The following NPAS2 variants were observed in gnomAD, a reference collection of about 807,000 sequenced individuals.
The protein encoded by NPAS2 is neuronal PAS domain-containing protein 2.
A neutral mutation model predicts 107.5 loss-of-function variants in NPAS2; 23 were observed. That is an observed-to-expected ratio of 0.21 (90% confidence interval 0.15 to 0.30). The LOEUF is 0.30. NPAS2 is among the 10% of genes least tolerant of loss of function. The pLI, the probability that NPAS2 is intolerant of heterozygous loss-of-function variation, is 1.00. For missense variants in NPAS2, 756 were observed against 1,043.3 expected (o/e 0.72, Z 3.79); for synonymous variants, 403 against 417.5 (o/e 0.97, Z 0.42).
At chr2:100,841,844 A>G (rs1166716893) in intron 1 of NPAS2, among the ~76,000 whole-genome samples, 4 of 152,210 alleles carry the variant, frequency 2.6e-5, no homozygotes, top group African/African-American at 9.7e-5. Flanking sequence ...ATATGCACAT[A>G]CATGCACAGC....
At chr2:100,903,486 TACGTAGGTG>T (rs1250873177) in intron 1 of NPAS2, among the ~76,000 whole-genome samples, 1 of 152,252 alleles carries the variant, frequency 6.6e-6, no homozygotes, top group African/African-American at 2.4e-5. Flanking sequence ...CATGTTTGTG[TACGTAGGTG>T]ACCAAAATCA....
intron 16 of NPAS2, chr2:100,983,639 T>C (rs892840869): frequency 1.3e-5 from 2 of 152,420 alleles, no homozygotes; most frequent in Non-Finnish European, 2.9e-5. Flanking sequence ...GCCTGGGCCA[T>C]GCCAGAGCCC....
At chr2:100,887,365 T>C (rs955211733) in intron 1 of NPAS2, among the ~76,000 whole-genome samples, 7 of 152,162 alleles carry the variant, frequency 4.6e-5, no homozygotes, top group African/African-American at 7.2e-5. Context: ...CTCCGTGGCA[T>C]GGGGCCTTGT....
rs371101625 is a variant in NPAS2 at position 100,968,460 on chromosome 2, C to A, written c.1055+32C>A. 2.5e-6 allele frequency: 4 copies of A among 1,603,140 alleles called. No homozygotes were observed. The highest frequency in any genetic ancestry group is 3.4e-6 in the Non-Finnish European group (4 of 1,172,560). ...CGCACGGGCAGGGGTGCGGCTGCGT[C>A]CTTGTCGCACCTGGGGGAGGGGTGC... On this transcript the variant is annotated intron_variant, in intron 11 of 20. Coordinates refer to ENST00000335681, the MANE Select transcript of NPAS2 (RefSeq NM_002518.4). This position sits in a 1 kb window ranked among gnomAD's most constrained non-coding sequence, Gnocchi z 5.3.
chr2:100,917,842 A>AG (rs1411454807), intron 2 of NPAS2, among the ~76,000 whole-genome samples: 1 of 152,194 alleles, frequency 6.6e-6, no homozygotes, highest in Non-Finnish European at 1.5e-5. Context: ...GACCCAGATG[A>AG]TTTCACTGGT....
intron 1 of NPAS2, among the ~76,000 whole-genome samples, chr2:100,881,837 A>G (rs1680367090): frequency 2.0e-5 from 3 of 152,334 alleles, no homozygotes; most frequent in Non-Finnish European, 4.4e-5. Flanking sequence ...TCCACATGCC[A>G]CGGACAGTGC....
chr2:100,910,823 C>G (rs1167566210), intron 2 of NPAS2, among the ~76,000 whole-genome samples: 2 of 152,158 alleles, frequency 1.3e-5, no homozygotes, highest in Admixed American at 1.3e-4. Flanking sequence ...CCACCATGCC[C>G]AGCCTAATGT....
chr2:100,869,990 T>C (rs950674597), intron 1 of NPAS2, among the ~76,000 whole-genome samples: 9 of 149,756 alleles, frequency 6.0e-5, no homozygotes, highest in South Asian at 2.1e-4. Context: ...CTGCAAGCTC[T>C]GCCTCCCGGG....
chr2:100,970,987 C>T lies in NPAS2; in HGVS notation c.1056-3C>T, dbSNP rs1676511238. 1 of 1,613,736 alleles carries T rather than the reference C, an allele frequency of 6.2e-7. No individual in the cohort carries two copies. Among genetic ancestry groups the T allele is most frequent in the African/African-American group, 1.3e-5 (1 of 74,878 alleles). The stretch of plus-strand genomic sequence containing the variant: ...CACTGTGGTCTCTTAATTTCCTGTA[C>T]AGTTACGCAGATGTCCGGGTGGAAA... On this transcript the variant is annotated splice_region_variant and splice_polypyrimidine_tract_variant and intron_variant, in intron 11 of 20. Transcript: ENST00000335681.
chr2:100,993,764 C>G (rs995075695), intron 20 of NPAS2: 8 of 403,880 alleles, frequency 2.0e-5, no homozygotes, highest in African/African-American at 1.6e-4. Context: ...TGGTTATGTG[C>G]TAAAAAGGTT....
At chr2:100,993,220 A>G in intron 19 of NPAS2, 127 bp from the exon 20 acceptor site, 1 of 834,350 alleles carries the variant, frequency 1.2e-6, no homozygotes, top group Non-Finnish European at 1.8e-6. Flanking sequence ...GGCATGAGCC[A>G]CCGCGCCTGG....
chr2:100,922,211 G>T (rs920104286), intron 2 of NPAS2, among the ~76,000 whole-genome samples: 6 of 152,094 alleles, frequency 3.9e-5, no homozygotes, highest in Non-Finnish European at 8.8e-5. Flanking sequence ...TGATTTTGGT[G>T]GTAGTTACCC....
At position 100,974,844 on chromosome 2, in the gene NPAS2, A is replaced by G. The variant is rs781611334; in HGVS notation, c.1182A>G (p.Thr394=). ...SSLEPRQHFN[T]LDVGASGLNT... Reference sequence around the variant, plus strand: ...TGGAACCTCGGCAGCACTTTAACACACTCGACGTGGGTGCCTCGGGCCTTA... The same window carrying G: ...TGGAACCTCGGCAGCACTTTAACACGCTCGACGTGGGTGCCTCGGGCCTTA... Residue 394 remains threonine (T), a synonymous_variant, in exon 13 of 21, where the codon ACA becomes ACG. Coordinates refer to ENST00000335681, the MANE Select transcript of NPAS2 (RefSeq NM_002518.4). 6.8e-6 allele frequency: 11 copies of G among 1,614,044 alleles called. No individual in the cohort carries two copies. In the Admixed American group the frequency reaches 1.8e-4, roughly 27 times the overall value.
At chr2:100,877,387 C>T (rs1187646185) in intron 1 of NPAS2, among the ~76,000 whole-genome samples, 1 of 146,058 alleles carries the variant, frequency 6.8e-6, no homozygotes, top group Non-Finnish European at 1.5e-5. Flanking sequence ...ATGGCATGAA[C>T]CTGGGAGGCG....
At chr2:100,844,195 C>A (rs545225318) in intron 1 of NPAS2, among the ~76,000 whole-genome samples, 4 of 152,260 alleles carry the variant, frequency 2.6e-5, no homozygotes, top group Admixed American at 1.3e-4. Context: ...ATCTACCCAG[C>A]AACCACCATG....
chr2:100,919,520 T>C (rs1683093071), intron 2 of NPAS2, among the ~76,000 whole-genome samples: 1 of 152,204 alleles, frequency 6.6e-6, no homozygotes, highest in Non-Finnish European at 1.5e-5. Context: ...AGCGCCGTGC[T>C]GTGCTTTGGG....
At chr2:100,908,367 C>T (rs1573596157) in intron 2 of NPAS2, among the ~76,000 whole-genome samples, 1 of 152,116 alleles carries the variant, frequency 6.6e-6, no homozygotes, top group African/African-American at 2.4e-5. Flanking sequence ...CCTTACAACA[C>T]CTCCTCACAA....
At chr2:100,821,286 G>T (rs1208162792) in intron 1 of NPAS2, 4 of 1,122,670 alleles carry the variant, frequency 3.6e-6, no homozygotes, top group African/African-American at 3.3e-5. Context: ...TTGAATATAC[G>T]CACGCACTTC....
chr2:100,834,263 C>A (rs1389131366), intron 1 of NPAS2, among the ~76,000 whole-genome samples: 1 of 152,178 alleles, frequency 6.6e-6, no homozygotes, highest in Non-Finnish European at 1.5e-5. Context: ...CACTCTCCAC[C>A]CAGAGGTTTT....
Sources: allele counts gnomAD v4.1 joint callset (sites outside exome capture counted in the v4.1 genomes callset), GRCh38; gene constraint gnomAD v4.1.1; non-coding constraint Gnocchi (gnomAD v3.1); transcripts MANE v1.5; gene names NCBI Gene and HGNC (gene_info 2026-07-23, HGNC 2026-07-21).